PHEX: variants seen among roughly 807,000 people sequenced by gnomAD.
The protein encoded by PHEX is phosphate-regulating neutral endopeptidase PHEX.
A neutral mutation model predicts 68.0 loss-of-function variants in PHEX; 16 were observed. That is an observed-to-expected ratio of 0.24 (90% CI 0.16 to 0.36). The LOEUF (loss-of-function observed/expected upper bound fraction) is 0.36, where lower values mean the gene tolerates loss of function less well. Among genes scored for constraint, PHEX ranks in the 10% least tolerant of loss-of-function variants. The pLI is 1.00. For missense variants in PHEX, 480 were observed against 575.5 expected (o/e 0.83, Z 1.70); for synonymous variants, 208 against 205.1 (o/e 1.01, Z -0.12).
Position 22,092,749 on chromosome X carries a change from C to CTTTTTTTTTTTTTTTTTTTTTTTTTTTT in PHEX, c.733-1216_733-1215insTTTTTTTTTTTTTTTTTTTTTTTTTTTT, listed in dbSNP as rs370527485. 1.2e-4 allele frequency among the ~76,000 whole-genome samples: 9 copies of CTTTTTTTTTTTTTTTTTTTTTTTTTTTT among 77,953 alleles called. 1 individual carries two copies. Among genetic ancestry groups the CTTTTTTTTTTTTTTTTTTTTTTTTTTTT allele is most frequent in the African/African-American group, 2.2e-4 (4 of 18,011 alleles). The allele number at this position is 77,953 out of a possible 115,157, so 67.7% of individuals were successfully genotyped here. A position where few individuals can be genotyped will look rare whatever the true frequency, so the allele number is the denominator to read the frequency against. On this transcript the variant is annotated intron_variant, in intron 6 of 21. Transcript: ENST00000379374. Reference sequence around the variant, plus strand: ...AAGACTTCTTTTCTTTTCTTTCTTTCTTTTTTTTTTTTTTTTTTGAGATGG... The same window carrying CTTTTTTTTTTTTTTTTTTTTTTTTTTTT: ...AAGACTTCTTTTCTTTTCTTTCTTTCTTTTTTTTTTTTTTTTTTTTTTTTTTTTTTTTTTTTTTTTTTTTTTGAGATGG...
chrX:22,155,700 A>G (rs748441219), intron 12 of PHEX, among the ~76,000 whole-genome samples: 22 of 112,333 alleles, frequency 2.0e-4, no homozygotes, highest in Non-Finnish European at 3.8e-4. Context: ...AAATATGAAT[A>G]TTACAGCTAA....
At chrX:22,226,396 G>T in intron 18 of PHEX, 47 bp from the exon 19 acceptor site, 1 of 929,169 alleles carries the variant, frequency 1.1e-6, no homozygotes, top group Non-Finnish European at 1.6e-6. Flanking sequence ...ATAGTTGACC[G>T]TGAAACACGC....
intron 12 of PHEX, among the ~76,000 whole-genome samples, chrX:22,162,430 T>A (rs1329785316): frequency 3.6e-5 from 4 of 111,828 alleles, no homozygotes; most frequent in African/African-American, 1.3e-4. Context: ...AGGTGTTTGG[T>A]TAGGGGTATA....
intron 16 of PHEX, among the ~76,000 whole-genome samples, chrX:22,214,698 G>A (rs187105916): frequency 0.039 from 4,326 of 111,972 alleles, 92 homozygotes; most frequent in Middle Eastern, 0.065. Flanking sequence ...GCTGGAGAAA[G>A]TCTTCAGGCA....
chrX:22,095,913 A>G (rs1354900421), intron 7 of PHEX, among the ~76,000 whole-genome samples: 1 of 112,191 alleles, frequency 8.9e-6, no homozygotes, highest in Non-Finnish European at 1.9e-5. Flanking sequence ...CCAGGGAAGC[A>G]TATACTTAAC....
At chrX:22,039,428 A>G (rs1927174195) in intron 2 of PHEX, among the ~76,000 whole-genome samples, 1 of 112,261 alleles carries the variant, frequency 8.9e-6, no homozygotes. Context: ...AGTTGCCCCA[A>G]AAGCAGCAAC....
At position 22,248,967 on chromosome X, in the gene PHEX, A is replaced by AGAAGT. The variant is rs1430716006; in HGVS notation, c.*1016_*1020dup. On this transcript the variant is annotated 3_prime_UTR_variant, in exon 22 of 22. Transcript: ENST00000379374. ...GGAACAAACATCACATTGAGGAGGGAGAAGTGTACCCTTCTTTTTCAGCTT... is the reference window on the plus strand; with the variant it reads ...GGAACAAACATCACATTGAGGAGGGAGAAGTGAAGTGTACCCTTCTTTTTCAGCTT... The AGAAGT allele has an allele frequency of 9.0e-6, 1 of 110,784 alleles. No individual in the cohort carries two copies. Among genetic ancestry groups the AGAAGT allele is most frequent in the Non-Finnish European group, 1.9e-5 (1 of 52,933 alleles). 9.1% of individuals were successfully genotyped at this position (110,784 alleles called of 1,213,427 possible).
chrX:22,133,059 T>C (rs997603882), intron 11 of PHEX, among the ~76,000 whole-genome samples: 1 of 111,218 alleles, frequency 9.0e-6, no homozygotes, highest in African/African-American at 3.3e-5. Context: ...CTAATTTTTA[T>C]ATTTTTTGTA....
chrX:22,072,029 C>A (rs1170111413), intron 3 of PHEX, among the ~76,000 whole-genome samples: 1 of 111,751 alleles, frequency 8.9e-6, no homozygotes, highest in African/African-American at 3.3e-5. Context: ...GAGTTCGAGA[C>A]CAGCCTGGCT....
Position 22,094,046 on chromosome X carries a change from A to G in PHEX, c.796A>G (p.Arg266Gly). 1 of 1,203,522 alleles carries G rather than the reference A, an allele frequency of 8.3e-7. No homozygotes were observed. Among genetic ancestry groups the G allele is most frequent in the Non-Finnish European group, 1.1e-6 (1 of 888,657 alleles). The change falls in exon 7 of 22, where the codon AGA (arginine) becomes GGA (glycine). Residue 266 changes from arginine to glycine, a missense_variant. Arg to Gly is a moderately radical substitution (Grantham distance 125). Transcript: ENST00000379374. ...CGTGCTTTTAGGAGCTAACAGTTCC[A>G]GAGCAGAGCATGACATGAAGTCAGT... ...TAVLLGANSS[R>G]AEHDMKSVLR...
intron 3 of PHEX, among the ~76,000 whole-genome samples, chrX:22,064,430 T>C (rs1928511238): frequency 8.9e-6 from 1 of 112,036 alleles, no homozygotes; most frequent in Non-Finnish European, 1.9e-5. Context: ...CATTAGTTTG[T>C]TGAGAATAAT....
chrX:22,066,080 G>T (rs981320863), intron 3 of PHEX, among the ~76,000 whole-genome samples: 13 of 112,362 alleles, frequency 1.2e-4, no homozygotes, highest in Non-Finnish European at 2.3e-4. Context: ...ATAAAACTGA[G>T]GAGAAAGGCG....
intron 14 of PHEX, among the ~76,000 whole-genome samples, chrX:22,187,557 A>G (rs57595573): frequency 0.056 from 6,221 of 111,484 alleles, 424 homozygotes; most frequent in African/African-American, 0.19. Flanking sequence ...TAAGGTCCTT[A>G]AGCTTAATTA....
intron 5 of PHEX, among the ~76,000 whole-genome samples, chrX:22,089,723 G>C (rs1221961379): frequency 8.9e-6 from 1 of 111,870 alleles, no homozygotes; most frequent in African/African-American, 3.2e-5. Flanking sequence ...ACCAGCCTAA[G>C]GTGCTGAAAG....
intron 12 of PHEX, among the ~76,000 whole-genome samples, chrX:22,135,874 C>A: frequency 9.0e-6 from 1 of 111,503 alleles, no homozygotes; most frequent in Admixed American, 9.6e-5. Context: ...ACGACAGGTA[C>A]AAATATCAAA....
chrX:22,059,487 C>A (rs1456098083), intron 3 of PHEX, among the ~76,000 whole-genome samples: 1 of 112,222 alleles, frequency 8.9e-6, no homozygotes, highest in African/African-American at 3.2e-5. Context: ...ATATATTTCA[C>A]ACAGTAAAAA....
chrX:22,058,846 C>T (rs1212609032), intron 3 of PHEX, among the ~76,000 whole-genome samples: 3 of 112,246 alleles, frequency 2.7e-5, no homozygotes, highest in South Asian at 3.7e-4. Context: ...ACTCTGTCGC[C>T]GAGGCTGGAG....
At chrX:22,131,528 C>T (rs901018208) in intron 11 of PHEX, among the ~76,000 whole-genome samples, 11 of 112,992 alleles carry the variant, frequency 9.7e-5, no homozygotes, top group Admixed American at 6.5e-4. Context: ...GAAGCTCCCC[C>T]GACCCCCTTC....
At chrX:22,082,453 G>A (rs1184814008) in intron 5 of PHEX, among the ~76,000 whole-genome samples, 1 of 112,210 alleles carries the variant, frequency 8.9e-6, no homozygotes, top group Non-Finnish European at 1.9e-5. Flanking sequence ...TTTCTCTACC[G>A]ATTAGTGATG....
Sources: allele counts gnomAD v4.1 joint callset (sites outside exome capture counted in the v4.1 genomes callset), GRCh38; gene constraint gnomAD v4.1.1; transcripts MANE v1.5; gene names NCBI Gene and HGNC (gene_info 2026-07-23, HGNC 2026-07-21).